Variants in SLC26A11 observed in about 807,000 individuals in gnomAD.
SLC26A11 encodes sodium-independent sulfate anion transporter.
In SLC26A11, 58 loss-of-function variants were observed where a neutral mutation model predicts 62.2. The observed-to-expected ratio is 0.93, with a 90% CI of 0.76 to 1.16. SLC26A11 has a LOEUF of 1.16. SLC26A11 is among the 50% of genes most tolerant of loss of function. The pLI is 0.00. For synonymous variants in SLC26A11, 411 were observed against 368.9 expected (o/e 1.11, Z -1.31); for missense variants, 790 against 794.3 (o/e 0.99, Z 0.06).
chr17:80,224,276 A>AAT (rs1555626075), intron 5 of SLC26A11, among the ~76,000 whole-genome samples: 5 of 146,790 alleles, frequency 3.4e-5, no homozygotes, highest in African/African-American at 1.3e-4. Flanking sequence ...TGTGTGAGTG[A>AAT]GTGCGTGTGT....
At chr17:80,236,724 C>A in intron 7 of SLC26A11, 1 of 570,304 alleles carries the variant, frequency 1.8e-6, no homozygotes, top group Non-Finnish European at 3.1e-6. Flanking sequence ...CTGTCCGCAG[C>A]CTGCAGCTCT....
intron 7 of SLC26A11, among the ~76,000 whole-genome samples, chr17:80,235,211 CTG>C (rs1249495118): frequency 1.5e-4 from 22 of 151,670 alleles, no homozygotes; most frequent in Non-Finnish European, 2.9e-5. Context: ...AATCTTTCCT[CTG>C]TTTTTTTTTT....
At position 80,251,368 on chromosome 17, in the gene SLC26A11, G is replaced by A. The variant is rs140131205; in HGVS notation, c.1696G>A (p.Gly566Arg). 6.0e-3 allele frequency: 9,714 copies of A among 1,614,088 alleles called. 53 individuals are homozygous for A. The highest frequency in any genetic ancestry group is 6.5e-3 in the Admixed American group (389 of 60,006). Residue 566 changes from glycine to arginine, a missense_variant, in exon 17 of 18, where the codon GGG (glycine) becomes AGG (arginine). By Grantham distance (125) the Gly-to-Arg change is moderately radical. Transcript: ENST00000361193. ...TGTCCTGCTGTCCGCTGACCTGAAG[G>A]GGTTCCAGTACTTCTCTACCCTGGA... ...LRVLLSADLKGFQYFSTLEEA... is the reference protein window; with the variant it reads ...LRVLLSADLKRFQYFSTLEEA...
intron 9 of SLC26A11, 92 bp from the exon 10 acceptor site, chr17:80,241,679 G>T: frequency 7.6e-7 from 1 of 1,318,190 alleles, no homozygotes. Context: ...ATTGCCGTGT[G>T]TAGAAATTCA....
chr17:80,248,301 G>A, intron 14 of SLC26A11, 44 bp downstream of exon 14: 1 of 1,582,180 alleles, frequency 6.3e-7, no homozygotes, highest in Non-Finnish European at 8.6e-7. Context: ...CTGGGGGCAG[G>A]ATTCCTGGGC....
rs2043012103 is a variant in SLC26A11, at chr17:80,246,790, GGATGGCCAGGA to G, written c.1294+149_1294+159del. On this transcript the variant is annotated intron_variant, in intron 13 of 17. Coordinates refer to ENST00000361193, the MANE Select transcript of SLC26A11 (RefSeq NM_001166347.2). This position sits in a 1 kb window ranked among gnomAD's most constrained non-coding sequence, Gnocchi z 4.4. ...TAGGGCAGTCCCGGAACAGAGAAGT[GGATGGCCAGGA>G]GATGGCCCCAGAGATGGTCCCGAGG... 8 of 1,148,586 alleles carry G rather than the reference GGATGGCCAGGA, an allele frequency of 7.0e-6. No homozygotes were observed. In the Admixed American group the frequency reaches 1.6e-4, roughly 23 times the overall value. 71.1% of individuals were successfully genotyped at this position (1,148,586 alleles called of 1,614,324 possible).
At chr17:80,239,612 C>T (rs1466290400) in intron 9 of SLC26A11, among the ~76,000 whole-genome samples, 2 of 151,598 alleles carry the variant, frequency 1.3e-5, no homozygotes, top group Non-Finnish European at 2.9e-5. Context: ...CTCCTGACCT[C>T]GTGATCTGCC....
Position 80,247,609 on chromosome 17 carries a change from G to A in SLC26A11, c.1295-521G>A, listed in dbSNP as rs898809079. Among the ~76,000 whole-genome samples the A allele has an allele frequency of 1.4e-4, 22 of 152,322 alleles. No homozygotes were observed. In the South Asian group the frequency reaches 1.5e-3, roughly 10 times the overall value. The stretch of plus-strand genomic sequence containing the variant: ...TGCCCGTCGCATGCCAGGGCCTTTC[G>A]CGTGCCAGTGCGCTGGGGCTTTAGA... On this transcript the variant is annotated intron_variant, in intron 13 of 17. Transcript: ENST00000361193.
chr17:80,220,807 C>T, intron 1 of SLC26A11, 109 bp from the exon 2 acceptor site: 1 of 146,778 alleles, frequency 6.8e-6, no homozygotes, highest in East Asian at 2.2e-4. Flanking sequence ...GCGGAGCGGC[C>T]GGGGGCGTGG....
chr17:80,250,161 G>A (rs1352549838), intron 16 of SLC26A11, among the ~76,000 whole-genome samples: 2 of 152,098 alleles, frequency 1.3e-5, no homozygotes, highest in African/African-American at 2.4e-5. Context: ...GGTTAAATGT[G>A]CGCTCTCTGC....
In SLC26A11 at chr17:80,222,388, A is replaced by G; in HGVS notation, c.235-267A>G. 2.7e-6 allele frequency: 1 copy of G among 367,798 alleles called. No individual in the cohort carries two copies. The allele number at this position is 367,798 out of a possible 1,614,324, so 22.8% of individuals were successfully genotyped here. A position where few individuals can be genotyped will look rare whatever the true frequency, so the allele number is the denominator to read the frequency against. On this transcript the variant is annotated intron_variant, in intron 3 of 17. Transcript: ENST00000361193. This position sits in a 1 kb window ranked among gnomAD's most constrained non-coding sequence, Gnocchi z 4.7. ...GAGACTCCATCTCAAAAAAAAAAAA[A>G]AAGAATGCTTCCTCAGACTTGGACA...
intron 9 of SLC26A11, among the ~76,000 whole-genome samples, chr17:80,240,025 A>C (rs975260500): frequency 6.6e-5 from 10 of 152,246 alleles, no homozygotes; most frequent in African/African-American, 2.2e-4. Context: ...AAAGCCTAAA[A>C]TATCGACAAG....
intron 10 of SLC26A11, 72 bp from the exon 11 acceptor site, chr17:80,245,124 C>A: frequency 1.4e-6 from 2 of 1,451,820 alleles, no homozygotes; most frequent in Non-Finnish European, 1.9e-6. Flanking sequence ...GTTTTTGTCC[C>A]CCTCCCCATC....
At chr17:80,238,982 C>T (rs919841111) in intron 9 of SLC26A11, among the ~76,000 whole-genome samples, 1 of 151,574 alleles carries the variant, frequency 6.6e-6, no homozygotes, top group East Asian at 1.9e-4. Flanking sequence ...TGCGCCACCA[C>T]GCCCAACTAA....
rs539026924 is a variant in SLC26A11 at position 80,246,815 on chromosome 17, A to G, written c.1294+166A>G. ...GGATGGCCAGGAGATGGCCCCAGAGATGGTCCCGAGGCTCAGTGGGAAGAG... is the reference window on the plus strand; with the variant it reads ...GGATGGCCAGGAGATGGCCCCAGAGGTGGTCCCGAGGCTCAGTGGGAAGAG... On this transcript the variant is annotated intron_variant, in intron 13 of 17. Transcript: ENST00000361193. This position sits in a 1 kb window ranked among gnomAD's most constrained non-coding sequence, Gnocchi z 4.4. Among the ~76,000 whole-genome samples the G allele has an allele frequency of 6.6e-6, 1 of 152,274 alleles. No individual in the cohort carries two copies. Among genetic ancestry groups the G allele is most frequent in the South Asian group, 2.1e-4 (1 of 4,830 alleles).
Position 80,221,068 on chromosome 17 carries a change from G to T in SLC26A11, c.-61G>T, listed in dbSNP as rs1049608383. 1 of 153,502 alleles carries T rather than the reference G, an allele frequency of 6.5e-6. No homozygotes were observed. The highest frequency in any genetic ancestry group is 1.4e-5 in the Non-Finnish European group (1 of 69,020). 9.5% of individuals were successfully genotyped at this position (153,502 alleles called of 1,614,324 possible). A position where few individuals can be genotyped will look rare whatever the true frequency, so the allele number is the denominator to read the frequency against. ...TGGTGCGCAGTTGGAAAACCTCGGAGCCCCGCTGGATCTCCTGGCTGCCAC... is the reference window on the plus strand; with the variant it reads ...TGGTGCGCAGTTGGAAAACCTCGGATCCCCGCTGGATCTCCTGGCTGCCAC... On this transcript the variant is annotated 5_prime_UTR_variant, in exon 2 of 18. Coordinates refer to ENST00000361193, the MANE Select transcript of SLC26A11 (RefSeq NM_001166347.2).
intron 7 of SLC26A11, among the ~76,000 whole-genome samples, chr17:80,233,649 T>C (rs1400970132): frequency 6.6e-6 from 1 of 151,836 alleles, no homozygotes; most frequent in Non-Finnish European, 1.5e-5. Context: ...GGTACAATTA[T>C]AGTTCACTGC....
intron 7 of SLC26A11, 119 bp from the exon 8 acceptor site, chr17:80,236,809 G>A: frequency 9.5e-7 from 1 of 1,048,760 alleles, no homozygotes; most frequent in Non-Finnish European, 1.4e-6. Context: ...AGTGAGGACT[G>A]TGGCCCGGTG....
In SLC26A11 at chr17:80,251,400, A is replaced by C; in HGVS notation, c.1728A>C (p.Ala576=). The C allele has an allele frequency of 6.2e-7, 1 of 1,614,066 alleles. No individual in the cohort carries two copies. Among genetic ancestry groups the C allele is most frequent in the Non-Finnish European group, 8.5e-7 (1 of 1,179,950 alleles). Residue 576 remains alanine (A), a splice_region_variant and synonymous_variant, in exon 17 of 18, where the codon GCA becomes GCC. Coordinates refer to ENST00000361193, the MANE Select transcript of SLC26A11 (RefSeq NM_001166347.2). The part of the protein sequence containing the change: ...GFQYFSTLEE[A]EKHLRQEPGT... ...AGTACTTCTCTACCCTGGAAGAAGC[A>C]GGTGGGCACAGTCAGACATCCTGTG... is the stretch of plus-strand genomic sequence containing the variant.
Sources: allele counts gnomAD v4.1 joint callset (sites outside exome capture counted in the v4.1 genomes callset), GRCh38; gene constraint gnomAD v4.1.1; non-coding constraint Gnocchi (gnomAD v3.1); transcripts MANE v1.5; gene names NCBI Gene and HGNC (gene_info 2026-07-23, HGNC 2026-07-21).